The following CHRM3 variants were observed in gnomAD, a reference collection of about 807,000 sequenced individuals.
CHRM3 encodes the protein cholinergic receptor muscarinic 3.
In CHRM3, 11 loss-of-function variants were observed where a neutral mutation model predicts 41.8. The ratio of observed to expected loss-of-function variants is 0.26; its 90% CI spans 0.17 to 0.44. The LOEUF (loss-of-function observed/expected upper bound fraction) is 0.44. Among genes scored for constraint, CHRM3 ranks in the 20% least tolerant of loss-of-function variants. The pLI, the probability that CHRM3 is intolerant of heterozygous loss-of-function variation, is 1.00. For synonymous variants in CHRM3, 297 were observed against 301.4 expected, an observed-to-expected ratio of 0.99 and a Z score of 0.15; for missense variants, 571 against 745.4, an observed-to-expected ratio of 0.77 and a Z score of 2.72.
chr1:239,475,773 A>G (rs1277347549), intron 1 of CHRM3, among the ~76,000 whole-genome samples: 1 of 152,158 alleles, frequency 6.6e-6, no homozygotes, highest in African/African-American at 2.4e-5. Context: ...ACTTCTAAAA[A>G]TAATATTAAA....
intron 5 of CHRM3, among the ~76,000 whole-genome samples, chr1:239,687,600 G>GGACACA (rs1659269306): frequency 6.6e-6 from 1 of 152,080 alleles, no homozygotes; most frequent in South Asian, 2.1e-4. Context: ...AATGTGACAT[G>GGACACA]TTTTAACCAG....
At chr1:239,673,710 T>A (rs1199597930) in intron 4 of CHRM3, among the ~76,000 whole-genome samples, 1 of 152,158 alleles carries the variant, frequency 6.6e-6, no homozygotes, top group Non-Finnish European at 1.5e-5. Context: ...TAGTATCTAT[T>A]TATCATCAGA....
At chr1:239,616,680 T>A in intron 3 of CHRM3, among the ~76,000 whole-genome samples, 1 of 152,118 alleles carries the variant, frequency 6.6e-6, no homozygotes, top group Non-Finnish European at 1.5e-5. Flanking sequence ...TTATAATTCA[T>A]CACATCAAAA....
intron 3 of CHRM3, among the ~76,000 whole-genome samples, chr1:239,590,243 TCTTTCCCTCATA>T (rs1475579656): frequency 2.0e-5 from 3 of 152,208 alleles, no homozygotes; most frequent in Non-Finnish European, 4.4e-5. Context: ...TGATTGAATT[TCTTTCCCTCATA>T]CTTTCCCTTC....
At chr1:239,836,711 C>T (rs1034362314) in intron 6 of CHRM3, among the ~76,000 whole-genome samples, 14 of 152,158 alleles carry the variant, frequency 9.2e-5, no homozygotes, top group African/African-American at 3.4e-4. Flanking sequence ...GGCGTGGTGG[C>T]TCACGTCTGT....
chr1:239,393,442 G>A (rs182322360), intron 1 of CHRM3, among the ~76,000 whole-genome samples: 7 of 152,278 alleles, frequency 4.6e-5, no homozygotes, highest in Admixed American at 3.9e-4. Context: ...TCCTCCTGCC[G>A]TGTTTCCTGT....
intron 1 of CHRM3, among the ~76,000 whole-genome samples, chr1:239,432,077 G>A (rs549188382): frequency 7.2e-5 from 11 of 152,162 alleles, no homozygotes; most frequent in African/African-American, 2.4e-4. Flanking sequence ...GTGAAGTCTC[G>A]ATGGATCACG....
chr1:239,581,464 G>C (rs533947066), intron 3 of CHRM3, among the ~76,000 whole-genome samples: 4 of 147,966 alleles, frequency 2.7e-5, no homozygotes, highest in African/African-American at 7.5e-5. Context: ...GTGGGTGGGT[G>C]GGGGGGATGT....
intron 1 of CHRM3, among the ~76,000 whole-genome samples, chr1:239,434,787 GAGA>G (rs936641651): frequency 4.6e-5 from 7 of 152,130 alleles, no homozygotes; most frequent in Non-Finnish European, 8.8e-5. Context: ...AGGAGAGAAA[GAGA>G]AGAAGAAAAG....
At chr1:239,442,051 A>C (rs1249555029) in intron 1 of CHRM3, among the ~76,000 whole-genome samples, 2 of 152,238 alleles carry the variant, frequency 1.3e-5, no homozygotes, top group Non-Finnish European at 2.9e-5. Flanking sequence ...CATAATATGT[A>C]TCTCTTCTCA....
intron 5 of CHRM3, among the ~76,000 whole-genome samples, chr1:239,821,884 C>T (rs1052407105): frequency 1.4e-4 from 21 of 152,114 alleles, no homozygotes; most frequent in African/African-American, 4.3e-4. Context: ...ATGCCATCCT[C>T]GTGATAGTGA....
At chr1:239,417,582 T>TTC (rs1661597979) in intron 1 of CHRM3, among the ~76,000 whole-genome samples, 1 of 149,400 alleles carries the variant, frequency 6.7e-6, no homozygotes, top group South Asian at 2.1e-4. Context: ...TTAATTTGTT[T>TTC]TTTTTTTTTT....
chr1:239,775,554 G>GCCAA (rs1047700334), intron 5 of CHRM3, among the ~76,000 whole-genome samples: 1 of 152,204 alleles, frequency 6.6e-6, no homozygotes, highest in Non-Finnish European at 1.5e-5. Context: ...AAATCTCAGT[G>GCCAA]CCAAGTAGCA....
At chr1:239,633,355 C>T (rs902041372) in intron 4 of CHRM3, among the ~76,000 whole-genome samples, 3 of 152,070 alleles carry the variant, frequency 2.0e-5, no homozygotes, top group African/African-American at 7.2e-5. Context: ...CTCAAGAGAA[C>T]TCCCTCACTA....
chr1:239,750,537 G>A (rs1036270069), intron 5 of CHRM3, among the ~76,000 whole-genome samples: 14 of 152,134 alleles, frequency 9.2e-5, no homozygotes, highest in African/African-American at 3.4e-4. Flanking sequence ...CGTATTTGAA[G>A]TTTGGCCTAC....
chr1:239,613,860 A>G (rs927352437), intron 3 of CHRM3, among the ~76,000 whole-genome samples: 2 of 152,174 alleles, frequency 1.3e-5, no homozygotes, highest in South Asian at 4.1e-4. Flanking sequence ...GACAGCAGTG[A>G]TCAAGAAGGA....
intron 2 of CHRM3, among the ~76,000 whole-genome samples, chr1:239,505,126 ATTTCT>A (rs890491513): frequency 6.6e-6 from 1 of 152,126 alleles, no homozygotes; most frequent in African/African-American, 2.4e-5. Context: ...AAAATTACTG[ATTTCT>A]TTGCCTTTGT....
intron 4 of CHRM3, among the ~76,000 whole-genome samples, chr1:239,633,098 G>A (rs555590755): frequency 1.1e-4 from 16 of 152,214 alleles, no homozygotes; most frequent in African/African-American, 2.4e-4. Context: ...TCAGCCTCCC[G>A]AGTAGCTGGG....
chr1:239,707,433 T>G (rs1661306392), intron 5 of CHRM3: 1 of 152,184 alleles, frequency 6.6e-6, no homozygotes, highest in Non-Finnish European at 1.5e-5. Flanking sequence ...AACTATTGTT[T>G]AGGTAAAGTT....
Sources: gnomAD v4.1 joint callset for allele counts (sites outside exome capture counted in the v4.1 genomes callset) on GRCh38, gnomAD v4.1.1 for gene constraint, MANE v1.5 for transcripts, NCBI Gene and HGNC (gene_info 2026-07-23, HGNC 2026-07-21) for gene names.